Variants in CTNNA2 observed in about 807,000 individuals in gnomAD.
CTNNA2 encodes the protein catenin alpha 2, also known as catenin alpha-2.
A neutral mutation model predicts 101.0 loss-of-function variants in CTNNA2; 42 were observed. The observed-to-expected ratio is 0.42, with a 90% CI of 0.32 to 0.54. The LOEUF is 0.54. Among genes scored for constraint, CTNNA2 ranks in the 20% least tolerant of loss-of-function variants. CTNNA2 has a pLI of 0.14. For missense variants in CTNNA2, 871 were observed against 1,223.1 expected, an observed-to-expected ratio of 0.71 and a Z score of 4.29; for synonymous variants, 450 against 456.4, an observed-to-expected ratio of 0.99 and a Z score of 0.18.
At chr2:80,057,783 A>G (rs1473392256) in intron 7 of CTNNA2, among the ~76,000 whole-genome samples, 1 of 152,186 alleles carries the variant, frequency 6.6e-6, no homozygotes, top group African/African-American at 2.4e-5. Context: ...ATCTCTAACA[A>G]AAACATTTGG....
In CTNNA2 at chr2:80,539,147, T is replaced by C. The variant is rs138325281; in HGVS notation, c.1291-5835T>C. Among the ~76,000 whole-genome samples, 338 of 152,234 alleles carry C rather than the reference T, an allele frequency of 2.2e-3. 1 individual carries two copies. The highest frequency in any genetic ancestry group is 6.8e-3 in the Middle Eastern group (2 of 294). On this transcript the variant is annotated intron_variant, in intron 9 of 18. Transcript: ENST00000402739. ...AATTCTTGTACCTCAGCCTCCTGAG[T>C]TATTTTTGTCAATTTTTAACTGTCT...
chr2:80,297,778 C>T (rs1171522320), intron 7 of CTNNA2, among the ~76,000 whole-genome samples: 3 of 152,138 alleles, frequency 2.0e-5, no homozygotes, highest in Non-Finnish European at 4.4e-5. Flanking sequence ...CAGAAGTTCC[C>T]CAGCCTGCAA....
intron 4 of CTNNA2, among the ~76,000 whole-genome samples, chr2:79,428,893 A>G (rs1485293844): frequency 2.6e-5 from 4 of 152,154 alleles, no homozygotes; most frequent in African/African-American, 9.7e-5. Context: ...AGCGAATGAG[A>G]GATCCAGCCT....
chr2:79,716,621 A>G (rs1298659596), intron 2 of CTNNA2, among the ~76,000 whole-genome samples: 1 of 152,154 alleles, frequency 6.6e-6, no homozygotes, highest in Non-Finnish European at 1.5e-5. Flanking sequence ...CTGAAGGGAT[A>G]TGGCAGCCCT....
At position 80,581,825 on chromosome 2, in the gene CTNNA2, T is replaced by C. The variant is rs1465047421; in HGVS notation, c.2007+6T>C. Reference sequence around the variant, plus strand: ...TTGCAGGGCAGAGCGCACGGGTGAGTGGACACCTAAGACTTTGGCTTGGCA... The same window carrying C: ...TTGCAGGGCAGAGCGCACGGGTGAGCGGACACCTAAGACTTTGGCTTGGCA... On this transcript the variant is annotated splice_donor_region_variant and intron_variant, in intron 14 of 18. Transcript: ENST00000402739. 2 of 1,557,710 alleles carry C rather than the reference T, an allele frequency of 1.3e-6. No homozygotes were observed. Among genetic ancestry groups the C allele is most frequent in the Admixed American group, 3.3e-5 (2 of 59,762 alleles).
intron 7 of CTNNA2, among the ~76,000 whole-genome samples, chr2:80,243,954 G>A (rs1671134982): frequency 2.6e-5 from 4 of 152,178 alleles, no homozygotes; most frequent in Non-Finnish European, 1.5e-5. Flanking sequence ...GTTTCTACTA[G>A]GGGACATCAA....
At chr2:79,777,690 A>T (rs1425097072) in intron 3 of CTNNA2, among the ~76,000 whole-genome samples, 5 of 152,110 alleles carry the variant, frequency 3.3e-5, no homozygotes, top group Non-Finnish European at 2.9e-5. Flanking sequence ...TGGGAATCTG[A>T]CCTGATTTTA....
intron 13 of CTNNA2, chr2:80,579,105 A>AGAC (rs1695312304): frequency 2.0e-5 from 3 of 152,312 alleles, no homozygotes; most frequent in African/African-American, 7.2e-5. Flanking sequence ...GACTTGCCAA[A>AGAC]GACATATAGC....
At chr2:80,150,592 T>G (rs1475696601) in intron 7 of CTNNA2, among the ~76,000 whole-genome samples, 1 of 152,134 alleles carries the variant, frequency 6.6e-6, no homozygotes, top group Non-Finnish European at 1.5e-5. Context: ...ATTTTTAGAT[T>G]TTGGAACACA....
intron 1 of CTNNA2, among the ~76,000 whole-genome samples, chr2:79,635,559 A>G (rs1281300938): frequency 1.3e-5 from 2 of 150,306 alleles, no homozygotes; most frequent in Non-Finnish European, 3.0e-5. Flanking sequence ...ACTGGAGTGT[A>G]GTGGTGTGAT....
chr2:80,391,581 G>T (rs1271998471), intron 7 of CTNNA2, among the ~76,000 whole-genome samples: 1 of 152,208 alleles, frequency 6.6e-6, no homozygotes, highest in Non-Finnish European at 1.5e-5. Context: ...TAGGTGCCCT[G>T]TATTTTGATG....
chr2:79,964,256 T>C (rs1422161843), intron 7 of CTNNA2, among the ~76,000 whole-genome samples: 2 of 152,222 alleles, frequency 1.3e-5, no homozygotes, highest in East Asian at 1.9e-4. Context: ...AGTTATTTCA[T>C]TTAATCCATA....
intron 9 of CTNNA2, among the ~76,000 whole-genome samples, chr2:80,437,270 G>C (rs576362978): frequency 6.6e-6 from 1 of 152,092 alleles, no homozygotes; most frequent in Non-Finnish European, 1.5e-5. Flanking sequence ...TTGGAGATTC[G>C]CAACGTACTT....
chr2:80,103,747 T>G (rs1700698772), intron 7 of CTNNA2, among the ~76,000 whole-genome samples: 1 of 152,172 alleles, frequency 6.6e-6, no homozygotes, highest in Non-Finnish European at 1.5e-5. Context: ...TTGTTTTTGA[T>G]TTTTTGAGAC....
rs961184206 is a variant in CTNNA2, at chr2:79,853,365, A to G, written c.299-4648A>G. On this transcript the variant is annotated intron_variant, in intron 3 of 18. Transcript: ENST00000402739. ...ACTAGGTTGACCAGGCTGGATGAAAAAGACGAGTTAAATCCTCTTCAGCCT... is the reference window on the plus strand; with the variant it reads ...ACTAGGTTGACCAGGCTGGATGAAAGAGACGAGTTAAATCCTCTTCAGCCT... Among the ~76,000 whole-genome samples, 42 of 152,128 alleles carry G rather than the reference A, an allele frequency of 2.8e-4. 1 individual carries two copies. The highest frequency in any genetic ancestry group is 1.0e-3 in the African/African-American group (42 of 41,436).
intron 7 of CTNNA2, among the ~76,000 whole-genome samples, chr2:80,185,738 C>T (rs1349399974): frequency 6.6e-6 from 1 of 152,144 alleles, no homozygotes; most frequent in African/African-American, 2.4e-5. Flanking sequence ...GAATGGCTGC[C>T]TACCATTTTC....
intron 6 of CTNNA2, among the ~76,000 whole-genome samples, chr2:79,878,811 G>A (rs1164363781): frequency 6.6e-6 from 1 of 152,262 alleles, no homozygotes; most frequent in Admixed American, 6.5e-5. Flanking sequence ...CTGTGCAGAA[G>A]CTCTTTAGTT....
At position 80,564,268 on chromosome 2, in the gene CTNNA2, TA is replaced by T. The variant is rs199612766; in HGVS notation, c.1741+8378del. On this transcript the variant is annotated intron_variant, in intron 12 of 18. Transcript: ENST00000402739. ...AGCTAGGTTTTGACAAACACTAAGC[TA>T]AATAAGGCATCATGCTCATGCTCAA... Among the ~76,000 whole-genome samples, 827 of 152,354 alleles carry T rather than the reference TA, an allele frequency of 5.4e-3. 6 individuals carry two copies. Among genetic ancestry groups the T allele is most frequent in the African/African-American group, 0.018 (763 of 41,586 alleles).
chr2:79,534,015 A>G (rs1464697359), intron 1 of CTNNA2, among the ~76,000 whole-genome samples: 2 of 151,838 alleles, frequency 1.3e-5, no homozygotes, highest in South Asian at 2.1e-4. Context: ...TGTTTGCTGC[A>G]CAAATAATAT....
Sources: allele counts gnomAD v4.1 joint callset (sites outside exome capture counted in the v4.1 genomes callset), GRCh38; gene constraint gnomAD v4.1.1; transcripts MANE v1.5; gene names NCBI Gene and HGNC (gene_info 2026-07-23, HGNC 2026-07-21).